The following PHKA1 variants were observed in gnomAD, a reference collection of about 807,000 sequenced individuals.
PHKA1 encodes phosphorylase b kinase regulatory subunit alpha, skeletal muscle isoform.
A neutral mutation model predicts 110.2 loss-of-function variants in PHKA1; 60 were observed. The observed-to-expected ratio is 0.54, with a 90% CI of 0.44 to 0.68. The LOEUF (loss-of-function observed/expected upper bound fraction) is 0.68, where lower values mean the gene tolerates loss of function less well. PHKA1 is among the 30% of genes least tolerant of loss of function. The pLI is 0.00. For missense variants in PHKA1, 801 were observed against 942.5 expected, an observed-to-expected ratio of 0.85 and a Z score of 1.97; for synonymous variants, 316 against 333.6, an observed-to-expected ratio of 0.95 and a Z score of 0.58.
intron 6 of PHKA1, among the ~76,000 whole-genome samples, chrX:72,670,601 C>G (rs2053680603): frequency 9.0e-6 from 1 of 111,646 alleles, no homozygotes; most frequent in African/African-American, 3.3e-5. Context: ...CAGAATCATC[C>G]TGATACCAAA....
chrX:72,660,804 T>C, intron 8 of PHKA1: 1 of 225,867 alleles, frequency 4.4e-6, no homozygotes, highest in Non-Finnish European at 8.4e-6. Context: ...AATACAATAC[T>C]GACAGAAGAA....
chrX:72,690,339 T>A (rs1047454704), intron 4 of PHKA1, among the ~76,000 whole-genome samples: 1 of 111,572 alleles, frequency 9.0e-6, no homozygotes, highest in African/African-American at 3.3e-5. Flanking sequence ...TGTATTGAAT[T>A]GTGTCCTCCC....
chrX:72,609,523 A>C lies in PHKA1; in HGVS notation c.2606+101T>G, dbSNP rs1883070. 0.09 allele frequency: 53,392 copies of C among 594,561 alleles called. 7,668 individuals carry two copies. Among genetic ancestry groups the C allele is most frequent in the East Asian group, 0.69 (20,955 of 30,542 alleles). The allele number at this position is 594,561 out of a possible 1,213,427, so 49.0% of individuals were successfully genotyped here. ...CTAGGTGTCTCTGATAGAGGTGAAC[A>C]TATGTAGGACATTATCATCCACTGA... On this transcript the variant is annotated intron_variant, in intron 23 of 31. Transcript: ENST00000373542.
intron 3 of PHKA1, among the ~76,000 whole-genome samples, chrX:72,702,519 G>A: frequency 9.0e-6 from 1 of 111,399 alleles, no homozygotes; most frequent in South Asian, 3.8e-4. Context: ...ATGGACTTCA[G>A]AGTAATAGGG....
At chrX:72,593,566 C>T in intron 28 of PHKA1, 1 of 240,500 alleles carries the variant, frequency 4.2e-6, no homozygotes, top group Non-Finnish European at 7.5e-6. Context: ...TGGTCTTGAT[C>T]TCCTGACCTC....
chrX:72,669,611 A>G (rs2053658445), intron 6 of PHKA1, among the ~76,000 whole-genome samples: 1 of 92,327 alleles, frequency 1.1e-5, no homozygotes, highest in Non-Finnish European at 2.1e-5. Context: ...ATTCCCACCT[A>G]TGAGTGAGAA....
intron 14 of PHKA1, among the ~76,000 whole-genome samples, chrX:72,639,230 A>G (rs1443955117): frequency 1.8e-5 from 2 of 111,967 alleles, no homozygotes; most frequent in African/African-American, 6.5e-5. Flanking sequence ...ACTTGTACGA[A>G]TGTTATATAG....
intron 2 of PHKA1, among the ~76,000 whole-genome samples, chrX:72,711,062 C>T (rs948597426): frequency 9.3e-6 from 1 of 107,215 alleles, no homozygotes; most frequent in African/African-American, 3.4e-5. Flanking sequence ...GGGGTTTCAC[C>T]GTGTTAGCCA....
intron 17 of PHKA1, among the ~76,000 whole-genome samples, chrX:72,625,716 A>C (rs2053051944): frequency 8.9e-6 from 1 of 112,025 alleles, no homozygotes; most frequent in African/African-American, 3.3e-5. Context: ...CCCAGGCTGG[A>C]GTGCAGTGGC....
chrX:72,593,341 C>CTTTTT, intron 28 of PHKA1, 67 bp from the exon 29 acceptor site: 1 of 626,072 alleles, frequency 1.6e-6, no homozygotes, highest in Non-Finnish European at 2.4e-6. Flanking sequence ...AGTCTTTGAA[C>CTTTTT]TTTTTTTTTT....
intron 5 of PHKA1, among the ~76,000 whole-genome samples, chrX:72,682,934 T>TAAAAAAAAAAAAAAAAAA (rs1164416043): frequency 6.3e-5 from 4 of 63,842 alleles, no homozygotes; most frequent in East Asian, 6.0e-4. Flanking sequence ...AAAAATAAAT[T>TAAAAAAAAAAAAAAAAAA]AAAAAAAAAA....
At chrX:72,708,870 C>T (rs781892749) in intron 2 of PHKA1, among the ~76,000 whole-genome samples, 2 of 111,979 alleles carry the variant, frequency 1.8e-5, no homozygotes, top group South Asian at 7.5e-4. Flanking sequence ...TTAACATAGT[C>T]CCAAACTTAG....
intron 8 of PHKA1, among the ~76,000 whole-genome samples, chrX:72,659,212 T>C (rs1355726242): frequency 8.9e-6 from 1 of 111,797 alleles, no homozygotes; most frequent in African/African-American, 3.3e-5. Flanking sequence ...AGTTATTTTA[T>C]TGTTCAAATT....
chrX:72,671,047 A>C (rs782746668), intron 6 of PHKA1, among the ~76,000 whole-genome samples: 1 of 111,384 alleles, frequency 9.0e-6, no homozygotes, highest in African/African-American at 3.3e-5. Context: ...GCCCTCTCTG[A>C]CCACTCCTAT....
chrX:72,594,233 C>A (rs782067303), intron 28 of PHKA1, among the ~76,000 whole-genome samples: 4 of 108,806 alleles, frequency 3.7e-5, no homozygotes, highest in African/African-American at 1.3e-4. Context: ...ACAAACTTTC[C>A]ATTTGAAGAC....
At chrX:72,595,271 A>C (rs181457482) in intron 28 of PHKA1, among the ~76,000 whole-genome samples, 17 of 111,744 alleles carry the variant, frequency 1.5e-4, no homozygotes, top group Admixed American at 3.8e-4. Flanking sequence ...ACAAACTAGG[A>C]ACAGAAGGGA....
intron 13 of PHKA1, among the ~76,000 whole-genome samples, chrX:72,645,034 G>T (rs1353408468): frequency 9.0e-6 from 1 of 111,593 alleles, no homozygotes; most frequent in Non-Finnish European, 1.9e-5. Context: ...AGCAGGTAGC[G>T]GGTGCTGGGG....
chrX:72,646,900 G>A (rs2053366913), intron 13 of PHKA1, among the ~76,000 whole-genome samples: 1 of 111,109 alleles, frequency 9.0e-6, no homozygotes, highest in South Asian at 3.8e-4. Flanking sequence ...GGAGGCAGAG[G>A]TGGGTGGATC....
At chrX:72,646,786 T>C (rs1294746319) in intron 13 of PHKA1, among the ~76,000 whole-genome samples, 1 of 110,613 alleles carries the variant, frequency 9.0e-6, no homozygotes, top group Non-Finnish European at 1.9e-5. Flanking sequence ...TACATTCAGA[T>C]TGACAGAGAA....
Sources: gnomAD v4.1 joint callset for allele counts (sites outside exome capture counted in the v4.1 genomes callset) on GRCh38, gnomAD v4.1.1 for gene constraint, MANE v1.5 for transcripts, NCBI Gene and HGNC (gene_info 2026-07-23, HGNC 2026-07-21) for gene names.